Variants in MBNL1 observed in about 807,000 individuals in gnomAD.
The protein encoded by MBNL1 is muscleblind like splicing regulator 1.
Under a neutral mutation model 42.2 loss-of-function variants are expected in MBNL1, and 8 were observed. That is an observed-to-expected ratio of 0.19 (90% CI 0.11 to 0.34). The LOEUF is 0.34. Among genes scored for constraint, MBNL1 ranks in the 10% least tolerant of loss-of-function variants. The pLI is 1.00. For synonymous variants in MBNL1, 169 were observed against 173.9 expected, an observed-to-expected ratio of 0.97 and a Z score of 0.22; for missense variants, 309 against 495.3, an observed-to-expected ratio of 0.62 and a Z score of 3.57.
chr3:152,296,393 CT>C (rs924168976), intron 1 of MBNL1, among the ~76,000 whole-genome samples: 1 of 152,042 alleles, frequency 6.6e-6, no homozygotes, highest in African/African-American at 2.4e-5. Context: ...GGAGGGAGAA[CT>C]GGGAGACCAA....
intron 3 of MBNL1, among the ~76,000 whole-genome samples, chr3:152,420,739 C>T (rs1293141622): frequency 6.6e-6 from 1 of 152,160 alleles, no homozygotes; most frequent in Admixed American, 6.5e-5. Flanking sequence ...TCCTCGCCAG[C>T]AAGGGAACAA....
intron 2 of MBNL1, among the ~76,000 whole-genome samples, chr3:152,400,584 T>C (rs1258895155): frequency 6.6e-6 from 1 of 152,232 alleles, no homozygotes; most frequent in African/African-American, 2.4e-5. Flanking sequence ...GGATCTGTTA[T>C]CCCCGCTTTT....
chr3:152,397,020 G>A (rs573689844), intron 2 of MBNL1, among the ~76,000 whole-genome samples: 2 of 152,286 alleles, frequency 1.3e-5, no homozygotes, highest in East Asian at 3.9e-4. Flanking sequence ...ATGGTAAGTA[G>A]TAAGCTGGCT....
chr3:152,409,469 A>G (rs1308394073), intron 2 of MBNL1, among the ~76,000 whole-genome samples: 1 of 152,066 alleles, frequency 6.6e-6, no homozygotes, highest in Non-Finnish European at 1.5e-5. Flanking sequence ...TTAGCTGAAA[A>G]AAAAAAAAAT....
rs1204679797 is a variant in MBNL1 at position 152,351,665 on chromosome 3, T to G, written c.174+51298T>G. Among the ~76,000 whole-genome samples, 4 of 152,196 alleles carry G rather than the reference T, an allele frequency of 2.6e-5. No homozygotes were observed. In the East Asian group the frequency reaches 7.7e-4, roughly 29 times the overall value. On this transcript the variant is annotated intron_variant, in intron 2 of 9. Coordinates refer to ENST00000324210, the MANE Select transcript of MBNL1 (RefSeq NM_021038.5). ...AGTGGGCTTGAAGTCAGACTGCTAG[T>G]GTGTTGAATTCTGGCCTCAGGAATC...
chr3:152,267,416 G>A (rs1020305366), upstream of MBNL1: 3 of 152,200 alleles, frequency 2.0e-5, no homozygotes, highest in African/African-American at 7.2e-5. Context: ...ACCTACTAGA[G>A]GCGTTATCCT....
intron 9 of MBNL1, among the ~76,000 whole-genome samples, chr3:152,460,645 A>G (rs1395301931): frequency 6.6e-6 from 1 of 152,016 alleles, no homozygotes; most frequent in East Asian, 1.9e-4. Context: ...CCACTGTCTT[A>G]AATACTTAAA....
chr3:152,402,584 C>T (rs2098273343), intron 2 of MBNL1, among the ~76,000 whole-genome samples: 1 of 152,110 alleles, frequency 6.6e-6, no homozygotes, highest in African/African-American at 2.4e-5. Context: ...GATACAGATA[C>T]CTCTAACAGG....
intron 2 of MBNL1, among the ~76,000 whole-genome samples, chr3:152,307,758 T>G (rs937674629): frequency 2.6e-5 from 4 of 152,208 alleles, no homozygotes; most frequent in African/African-American, 9.7e-5. Context: ...CATATGCATA[T>G]TCTAAGGATT....
intron 1 of MBNL1, among the ~76,000 whole-genome samples, chr3:152,297,506 T>A (rs1204878236): frequency 6.6e-6 from 1 of 151,740 alleles, no homozygotes. Context: ...CCTGCCACCA[T>A]GCCCGGCTAA....
At chr3:152,306,985 T>A (rs2151872714) in intron 2 of MBNL1, among the ~76,000 whole-genome samples, 1 of 152,320 alleles carries the variant, frequency 6.6e-6, no homozygotes, top group South Asian at 2.1e-4. Flanking sequence ...TTCTTATAAC[T>A]GTACTTATTT....
intron 2 of MBNL1, among the ~76,000 whole-genome samples, chr3:152,255,842 C>A (rs560916009): frequency 6.6e-6 from 1 of 152,158 alleles, no homozygotes; most frequent in South Asian, 2.1e-4. Flanking sequence ...TTGAGAGCAC[C>A]ATGCAGACGA....
intron 2 of MBNL1, among the ~76,000 whole-genome samples, chr3:152,306,455 T>C (rs1216109305): frequency 6.6e-6 from 1 of 152,124 alleles, no homozygotes; most frequent in Non-Finnish European, 1.5e-5. Context: ...ATATCCTTAG[T>C]CTAGCAGGAC....
At chr3:152,407,047 CTGTG>C (rs373321399) in intron 2 of MBNL1, among the ~76,000 whole-genome samples, 226 of 67,652 alleles carry the variant, frequency 3.3e-3, no homozygotes, top group African/African-American at 0.011. Context: ...TGTTAAGCCA[CTGTG>C]TGTGTGTGTG....
chr3:152,437,726 AT>A (rs2099097507), intron 4 of MBNL1, among the ~76,000 whole-genome samples: 1 of 151,874 alleles, frequency 6.6e-6, no homozygotes, highest in African/African-American at 2.4e-5. Context: ...TTTACTGACT[AT>A]CTTTTAAAAG....
intron 3 of MBNL1, among the ~76,000 whole-genome samples, chr3:152,420,734 G>A (rs1381613036): frequency 7.9e-5 from 12 of 152,108 alleles, no homozygotes; most frequent in African/African-American, 9.7e-5. Flanking sequence ...ACAACTCCTC[G>A]CCAGCAAGGG....
chr3:152,434,005 A>G (rs1158499284), intron 4 of MBNL1, among the ~76,000 whole-genome samples: 1 of 152,216 alleles, frequency 6.6e-6, no homozygotes, highest in Non-Finnish European at 1.5e-5. Context: ...CTAAAGAACA[A>G]AATGACCTTT....
chr3:152,312,417 TCAGA>T (rs1183299836), intron 2 of MBNL1, among the ~76,000 whole-genome samples: 3 of 152,170 alleles, frequency 2.0e-5, no homozygotes, highest in Middle Eastern at 3.2e-3. Context: ...ACGAATTTAG[TCAGA>T]CAGCCAATTA....
chr3:152,368,936 T>C (rs116182342), intron 2 of MBNL1, among the ~76,000 whole-genome samples: 2,903 of 152,330 alleles, frequency 0.019, 36 homozygotes, highest in Middle Eastern at 0.034. Context: ...TTTCTAAATA[T>C]ACATTCATGT....
Sources: gnomAD v4.1 joint callset for allele counts (sites outside exome capture counted in the v4.1 genomes callset) on GRCh38, gnomAD v4.1.1 for gene constraint, MANE v1.5 for transcripts, NCBI Gene and HGNC (gene_info 2026-07-23, HGNC 2026-07-21) for gene names.